The following CCR3 variants were observed in gnomAD, a reference collection of about 807,000 sequenced individuals.
The protein encoded by CCR3 is C-C motif chemokine receptor 3.
For synonymous variants in CCR3, 203 were observed against 179.2 expected, an observed-to-expected ratio of 1.13 and a Z score of -1.06; for missense variants, 419 against 437.5, an observed-to-expected ratio of 0.96 and a Z score of 0.38.
intron 1 of CCR3, chr3:46,264,063 C>G (rs376890317): frequency 3.6e-6 from 1 of 278,514 alleles, no homozygotes; most frequent in African/African-American, 2.3e-5. Flanking sequence ...TCCATGACTC[C>G]TGCCTTATCT....
chr3:46,237,791 G>C (rs2125926108), upstream of CCR3, among the ~76,000 whole-genome samples: 1 of 152,266 alleles, frequency 6.6e-6, no homozygotes, highest in South Asian at 2.1e-4. Context: ...TTATGTGTCT[G>C]TTTTAATACC....
chr3:46,239,973 A>G (rs557686955), upstream of CCR3, among the ~76,000 whole-genome samples: 107 of 152,296 alleles, frequency 7.0e-4, no homozygotes, highest in Admixed American at 1.1e-3. Context: ...TGAACTCGTC[A>G]ACTCTTTATA....
Position 46,254,098 on chromosome 3 carries a change from TA to T in CCR3, c.-11-11047del, listed in dbSNP as rs538506128. ...AAAAAGCCACTTATAATTATGTATA[TA>T]AATTCAGCCACCACTCAAGAACACC... On this transcript the variant is annotated intron_variant, in intron 1 of 1. Coordinates refer to ENST00000395940, the MANE Select transcript of CCR3 (RefSeq NM_178329.3). 4.6e-5 allele frequency among the ~76,000 whole-genome samples: 7 copies of T among 152,272 alleles called. No individual in the cohort carries two copies. In the South Asian group the frequency reaches 1.4e-3, roughly 32 times the overall value.
chr3:46,247,314 T>TC (rs1002963874), intron 1 of CCR3, among the ~76,000 whole-genome samples: 58 of 152,094 alleles, frequency 3.8e-4, no homozygotes, highest in African/African-American at 1.1e-3. Flanking sequence ...TGGGGCACAG[T>TC]CTAAGGTGGT....
chr3:46,232,256 A>G (rs745346398), intron 2 of CCR3, among the ~76,000 whole-genome samples: 1 of 152,214 alleles, frequency 6.6e-6, no homozygotes, highest in Non-Finnish European at 1.5e-5. Flanking sequence ...GTTGAAGCTA[A>G]TTTGAACATG....
intron 2 of CCR3, among the ~76,000 whole-genome samples, chr3:46,223,150 G>A (rs947875185): frequency 2.6e-5 from 4 of 152,120 alleles, no homozygotes; most frequent in Non-Finnish European, 5.9e-5. Flanking sequence ...TCAGGAGTTC[G>A]AGACCAGCCT....
intron 1 of CCR3, among the ~76,000 whole-genome samples, chr3:46,246,932 A>C (rs1051915921): frequency 6.6e-6 from 1 of 151,806 alleles, no homozygotes; most frequent in African/African-American, 2.4e-5. Context: ...TATTGTGGGG[A>C]TGTTAGAAGA....
At chr3:46,230,544 C>A (rs1485102584) in intron 2 of CCR3, among the ~76,000 whole-genome samples, 1 of 152,130 alleles carries the variant, frequency 6.6e-6, no homozygotes, top group Admixed American at 6.5e-5. Context: ...CTTGTGTGAT[C>A]TTGGGCCCGT....
In CCR3 at chr3:46,248,382, G is replaced by C. The variant is rs565326709; in HGVS notation, c.-12+5844G>C. On this transcript the variant is annotated intron_variant, in intron 1 of 1. Coordinates refer to ENST00000395940, the MANE Select transcript of CCR3 (RefSeq NM_178329.3). ...TAGGGCCTCTAAAAGTATTAAAGCA[G>C]TGGCAGCTGCTGCATGCAGACATGA... is the stretch of plus-strand genomic sequence containing the variant. Among the ~76,000 whole-genome samples, 191 of 152,334 alleles carry C rather than the reference G, an allele frequency of 1.3e-3. 1 individual carries two copies. Among genetic ancestry groups the C allele is most frequent in the African/African-American group, 4.3e-3 (178 of 41,556 alleles).
At chr3:46,211,616 C>G (rs1475320547) in intron 2 of CCR3, among the ~76,000 whole-genome samples, 1 of 152,090 alleles carries the variant, frequency 6.6e-6, no homozygotes, top group Non-Finnish European at 1.5e-5. Context: ...TGTAAGTACA[C>G]AAAATATAAG....
chr3:46,257,669 A>G (rs1204202276), intron 1 of CCR3, among the ~76,000 whole-genome samples: 1 of 152,104 alleles, frequency 6.6e-6, no homozygotes, highest in Non-Finnish European at 1.5e-5. Context: ...TACCAAATCT[A>G]TATTAGTCTG....
chr3:46,251,679 G>C (rs1700316459), intron 1 of CCR3, among the ~76,000 whole-genome samples: 1 of 152,144 alleles, frequency 6.6e-6, no homozygotes, highest in Admixed American at 6.5e-5. Context: ...TTTCACCTGA[G>C]TGCAGGCGGG....
At chr3:46,230,985 C>A (rs183334804) in intron 2 of CCR3, among the ~76,000 whole-genome samples, 2 of 152,138 alleles carry the variant, frequency 1.3e-5, no homozygotes, top group Non-Finnish European at 2.9e-5. Flanking sequence ...AGTGCAGTGG[C>A]GCGATCTTGG....
chr3:46,224,734 C>CCAAA (rs1559525837), intron 2 of CCR3, among the ~76,000 whole-genome samples: 1 of 47,472 alleles, frequency 2.1e-5, no homozygotes, highest in Non-Finnish European at 4.4e-5. Flanking sequence ...AAGACTCTGT[C>CCAAA]AAAAAAAAAA....
chr3:46,246,783 G>A (rs1245828067), intron 1 of CCR3, among the ~76,000 whole-genome samples: 7 of 152,074 alleles, frequency 4.6e-5, no homozygotes, highest in African/African-American at 1.7e-4. Flanking sequence ...AAGTGTTGGG[G>A]TGGCGAAAAT....
chr3:46,229,506 G>A (rs1699938606), intron 2 of CCR3, among the ~76,000 whole-genome samples: 1 of 152,142 alleles, frequency 6.6e-6, no homozygotes, highest in African/African-American at 2.4e-5. Context: ...CAGGCTGTGG[G>A]TTGCAAAGAA....
At chr3:46,254,237 C>T (rs1252869641) in intron 1 of CCR3, among the ~76,000 whole-genome samples, 4 of 151,916 alleles carry the variant, frequency 2.6e-5, no homozygotes, top group Non-Finnish European at 5.9e-5. Flanking sequence ...CAAGAGGGCT[C>T]GACAACAAAC....
At chr3:46,243,989 T>C (rs1450414234) in intron 1 of CCR3, among the ~76,000 whole-genome samples, 1 of 152,234 alleles carries the variant, frequency 6.6e-6, no homozygotes, top group Non-Finnish European at 1.5e-5. Context: ...TGATGGATGC[T>C]TGCTGAAATG....
chr3:46,243,871 TA>T (rs1224979219), intron 1 of CCR3, among the ~76,000 whole-genome samples: 6 of 152,040 alleles, frequency 3.9e-5, no homozygotes, highest in African/African-American at 9.7e-5. Flanking sequence ...TACTTGTAGT[TA>T]AAAAAAATCA....
Sources: allele counts gnomAD v4.1 joint callset (sites outside exome capture counted in the v4.1 genomes callset), GRCh38; gene constraint gnomAD v4.1.1; transcripts MANE v1.5; gene names NCBI Gene and HGNC (gene_info 2026-07-23, HGNC 2026-07-21).